The following L3MBTL4 variants were observed in gnomAD, a reference collection of about 807,000 sequenced individuals.
The protein encoded by L3MBTL4 is lethal(3)malignant brain tumor-like protein 4.
Under a neutral mutation model 84.5 loss-of-function variants are expected in L3MBTL4, and 70 were observed. That is an observed-to-expected ratio of 0.83 (90% CI 0.68 to 1.01). The LOEUF (loss-of-function observed/expected upper bound fraction) is 1.01, where lower values mean the gene tolerates loss of function less well. Ranked by LOEUF, L3MBTL4 falls within the 50% of genes least tolerant of loss-of-function variation. L3MBTL4 has a pLI of 0.00. For missense variants in L3MBTL4, 715 were observed against 754.8 expected (o/e 0.95, Z 0.62); for synonymous variants, 274 against 259.8 (o/e 1.05, Z -0.52).
intron 12 of L3MBTL4, among the ~76,000 whole-genome samples, chr18:6,188,312 C>G (rs2044881918): frequency 6.7e-6 from 1 of 149,654 alleles, no homozygotes; most frequent in South Asian, 2.1e-4. Context: ...TATATATACT[C>G]TATAATATAA....
At chr18:6,341,047 T>C (rs930155929) in intron 1 of L3MBTL4, among the ~76,000 whole-genome samples, 32 of 152,182 alleles carry the variant, frequency 2.1e-4, no homozygotes, top group African/African-American at 7.0e-4. Flanking sequence ...TGGGCGTCCA[T>C]TGATAAGGTC....
At chr18:6,124,857 TTTC>T (rs1240444530) in intron 14 of L3MBTL4, among the ~76,000 whole-genome samples, 1 of 152,184 alleles carries the variant, frequency 6.6e-6, no homozygotes, top group Non-Finnish European at 1.5e-5. Flanking sequence ...TGTTCCTTTT[TTTC>T]TTTCCACGAA....
At chr18:6,013,554 C>T (rs2054830162) in intron 16 of L3MBTL4, among the ~76,000 whole-genome samples, 1 of 152,242 alleles carries the variant, frequency 6.6e-6, no homozygotes, top group Non-Finnish European at 1.5e-5. Flanking sequence ...CCCTTGGCAG[C>T]CCTAGCCCCA....
In L3MBTL4 at chr18:6,142,541, T is replaced by C. The variant is rs1329629616; in HGVS notation, c.1097-4245A>G. Among the ~76,000 whole-genome samples, 4 of 152,124 alleles carry C rather than the reference T, an allele frequency of 2.6e-5. No homozygotes were observed. In the South Asian group the frequency reaches 8.3e-4, roughly 32 times the overall value. ...ACATTGAAGCATAAATAAAGAAAAA[T>C]AGAGCTACCCTATTCAAAGCCAGCT... On this transcript the variant is annotated intron_variant, in intron 13 of 18. Transcript: ENST00000317931.
chr18:6,315,307 T>A (rs1392879704), intron 1 of L3MBTL4, among the ~76,000 whole-genome samples: 1 of 152,234 alleles, frequency 6.6e-6, no homozygotes, highest in African/African-American at 2.4e-5. Flanking sequence ...ATACTCGATG[T>A]TAATAATTCA....
At chr18:6,241,638 C>T (rs2047455406) in intron 7 of L3MBTL4, among the ~76,000 whole-genome samples, 189 bp from the exon 8 acceptor site, 1 of 152,164 alleles carries the variant, frequency 6.6e-6, no homozygotes, top group Non-Finnish European at 1.5e-5. Flanking sequence ...GTCCTTAGCA[C>T]CCACAAAAGA....
At chr18:6,011,541 A>G (rs952293576) in intron 16 of L3MBTL4, among the ~76,000 whole-genome samples, 5 of 152,178 alleles carry the variant, frequency 3.3e-5, no homozygotes, top group African/African-American at 1.2e-4. Flanking sequence ...ACCCATTCTA[A>G]TATTTCCTGG....
chr18:6,053,837 A>T (rs1238021673), intron 16 of L3MBTL4, among the ~76,000 whole-genome samples: 1 of 152,194 alleles, frequency 6.6e-6, no homozygotes, highest in Non-Finnish European at 1.5e-5. Flanking sequence ...CACATAAATG[A>T]TATGTTCAAT....
At chr18:6,333,459 C>T (rs1030926398) in intron 1 of L3MBTL4, among the ~76,000 whole-genome samples, 3 of 151,820 alleles carry the variant, frequency 2.0e-5, no homozygotes, top group Non-Finnish European at 4.4e-5. Flanking sequence ...CCTGTAGTCC[C>T]AGCTACGTGG....
chr18:6,223,724 T>A (rs1273197211), intron 10 of L3MBTL4, among the ~76,000 whole-genome samples: 1 of 152,132 alleles, frequency 6.6e-6, no homozygotes, highest in Non-Finnish European at 1.5e-5. Flanking sequence ...CCCATGTGAG[T>A]AGAAATGATG....
chr18:6,226,612 G>A (rs1190234599), intron 10 of L3MBTL4, among the ~76,000 whole-genome samples: 4 of 152,064 alleles, frequency 2.6e-5, no homozygotes, highest in Non-Finnish European at 5.9e-5. Context: ...AAAGAAAATG[G>A]AAATAAACTG....
chr18:6,035,038 C>T (rs918564694), intron 16 of L3MBTL4, among the ~76,000 whole-genome samples: 33 of 151,850 alleles, frequency 2.2e-4, no homozygotes, highest in Admixed American at 1.7e-3. Flanking sequence ...ATTGTAGATT[C>T]TGGATATTAG....
At chr18:6,372,331 G>A (rs191498522) in intron 1 of L3MBTL4, among the ~76,000 whole-genome samples, 38 of 152,270 alleles carry the variant, frequency 2.5e-4, no homozygotes, top group Middle Eastern at 3.4e-3. Context: ...TAAATATGCC[G>A]ATGCTGGTGT....
intron 16 of L3MBTL4, among the ~76,000 whole-genome samples, chr18:5,980,495 G>T (rs1416413006): frequency 1.4e-5 from 2 of 141,160 alleles, no homozygotes; most frequent in Non-Finnish European, 3.0e-5. Flanking sequence ...GCAATGGCAT[G>T]ATCTCAGCTC....
At chr18:6,388,812 T>C (rs113800375) in intron 1 of L3MBTL4, among the ~76,000 whole-genome samples, 46 of 152,296 alleles carry the variant, frequency 3.0e-4, no homozygotes, top group African/African-American at 1.1e-3. Context: ...ACACCCTGGG[T>C]CCTTCCAAAC....
intron 14 of L3MBTL4, among the ~76,000 whole-genome samples, chr18:6,103,361 T>C (rs1277576066): frequency 2.6e-5 from 4 of 152,238 alleles, no homozygotes; most frequent in Non-Finnish European, 2.9e-5. Context: ...TTAAGTGGTA[T>C]GAACATGTCA....
chr18:5,987,154 G>A (rs2053497849), intron 16 of L3MBTL4, among the ~76,000 whole-genome samples: 1 of 152,194 alleles, frequency 6.6e-6, no homozygotes, highest in African/African-American at 2.4e-5. Flanking sequence ...GTGCTTGTAG[G>A]AGGCTCAGGA....
chr18:6,091,108 AT>A (rs767514737), intron 15 of L3MBTL4, among the ~76,000 whole-genome samples: 5 of 152,194 alleles, frequency 3.3e-5, no homozygotes, highest in Admixed American at 6.5e-5. Flanking sequence ...AAGAGCAAAG[AT>A]TTGGGTTAGA....
At chr18:6,257,621 T>TTTTTTCTTTTTC (rs1180116600) in intron 5 of L3MBTL4, among the ~76,000 whole-genome samples, 1 of 151,402 alleles carries the variant, frequency 6.6e-6, no homozygotes, top group Non-Finnish European at 1.5e-5. Context: ...TGTTCTTTTC[T>TTTTTTCTTTTTC]TTTTTCTTTT....
Sources: allele counts gnomAD v4.1 joint callset (sites outside exome capture counted in the v4.1 genomes callset), GRCh38; gene constraint gnomAD v4.1.1; transcripts MANE v1.5; gene names NCBI Gene and HGNC (gene_info 2026-07-23, HGNC 2026-07-21).